The following CEP290 variants were observed in gnomAD, a reference collection of about 807,000 sequenced individuals.
CEP290 encodes the protein centrosomal protein of 290 kDa.
A neutral mutation model predicts 344.9 loss-of-function variants in CEP290; 317 were observed. The observed-to-expected ratio is 0.92, with a 90% CI of 0.84 to 1.01. The LOEUF (loss-of-function observed/expected upper bound fraction) is 1.01, where lower values mean the gene tolerates loss of function less well. Among genes scored for constraint, CEP290 ranks in the 50% least tolerant of loss-of-function variants. CEP290 has a pLI of 0.00. For synonymous variants in CEP290, 932 were observed against 895.8 expected (o/e 1.04, Z -0.72); for missense variants, 2,754 against 2,761.4 (o/e 1.00, Z 0.06).
rs749261915 is a variant in CEP290 at position 88,086,405 on chromosome 12, T to G, written c.4288A>C (p.Asn1430His). 5 of 1,589,388 alleles carry G rather than the reference T, an allele frequency of 3.1e-6. No homozygotes were observed. The South Asian group carries it at 5.7e-5, about 18-fold the overall frequency. ...IFDRQQNEILNAAQKFEEATG... is the reference protein window; with the variant it reads ...IFDRQQNEILHAAQKFEEATG... ...ATCATTCATACCTTTTGTGCCGCATTTAGTATTTCATTTTGCTGACGGTCA... is the reference window on the plus strand; with the variant it reads ...ATCATTCATACCTTTTGTGCCGCATGTAGTATTTCATTTTGCTGACGGTCA... Residue 1430 changes from asparagine to histidine, a missense_variant, in exon 33 of 54, where the codon AAT (asparagine) becomes CAT (histidine). Coordinates refer to ENST00000552810, the MANE Select transcript of CEP290 (RefSeq NM_025114.4).
chr12:88,118,007 C>A (rs1168631071), intron 17 of CEP290, among the ~76,000 whole-genome samples: 2 of 151,732 alleles, frequency 1.3e-5, no homozygotes, highest in African/African-American at 4.8e-5. Context: ...TGCACTCCAG[C>A]CTGGGCAATA....
At chr12:88,118,774 T>G in intron 15 of CEP290, 31 bp from the exon 16 acceptor site, 1 of 1,508,950 alleles carries the variant, frequency 6.6e-7, no homozygotes, top group South Asian at 1.2e-5. Flanking sequence ...ATTAAAAACT[T>G]AAAAACATTC....
chr12:88,071,935 A>G lies in CEP290; in HGVS notation c.5710-9T>C, dbSNP rs2035409144. 3 of 1,567,190 alleles carry G rather than the reference A, an allele frequency of 1.9e-6. No homozygotes were observed. In the East Asian group the frequency reaches 6.9e-5, roughly 36 times the overall value. ...AATTCTTCTTTAGCATTCTGTAACA[A>G]TAACGAAGGAGGTAGGAAAATTACC... On this transcript the variant is annotated splice_polypyrimidine_tract_variant and intron_variant, in intron 41 of 53. Coordinates refer to ENST00000552810, the MANE Select transcript of CEP290 (RefSeq NM_025114.4).
intron 28 of CEP290, among the ~76,000 whole-genome samples, 158 bp from the exon 29 acceptor site, chr12:88,092,990 A>C (rs1189732113): frequency 6.6e-6 from 1 of 152,150 alleles, no homozygotes; most frequent in Non-Finnish European, 1.5e-5. Context: ...GAGGGTAAAA[A>C]ATATGAAAGA....
At position 88,141,256 on chromosome 12, in the gene CEP290, G is replaced by A. The variant is rs2138305571; in HGVS notation, c.52C>T (p.Leu18=). 1 of 1,611,126 alleles carries A rather than the reference G, an allele frequency of 6.2e-7. No homozygotes were observed. ...TCTGCCAGTTCTTCTTGACGGGGCAGGTCATCTGGGTCAACTTTCATTATT... is the reference window on the plus strand; with the variant it reads ...TCTGCCAGTTCTTCTTGACGGGGCAAGTCATCTGGGTCAACTTTCATTATT... ...KEIMKVDPDD[L]PRQEELADNL... Residue 18 remains leucine, a synonymous_variant, in exon 2 of 54, where the codon CTG becomes TTG. Transcript: ENST00000552810.
chr12:88,126,212 C>T, intron 12 of CEP290, 104 bp downstream of exon 12: 9 of 900,218 alleles, frequency 1.0e-5, no homozygotes, highest in Non-Finnish European at 1.2e-5. Context: ...TTGGTAGTAC[C>T]AGCCGCTACA....
At position 88,087,937 on chromosome 12, in the gene CEP290, T is replaced by C. The variant is rs1470809740; in HGVS notation, c.4037A>G (p.Asn1346Ser). Residue 1346 changes from asparagine to serine, a missense_variant, in exon 32 of 54, where the codon AAC becomes AGC. Physicochemically the swap from Asn to Ser is conservative, Grantham distance 46. Transcript: ENST00000552810. ...AAGTTCTTCTATTTTCATATGCCAGTTGATTACCTAAGATTTACAATTTAT... is the reference window on the plus strand; with the variant it reads ...AAGTTCTTCTATTTTCATATGCCAGCTGATTACCTAAGATTTACAATTTAT... ...KDTKGAQKVI[N>S]WHMKIEELRL... is the part of the protein sequence containing the mutation. The C allele has an allele frequency of 2.6e-6, 3 of 1,161,566 alleles. No homozygotes were observed. The highest frequency in any genetic ancestry group is 1.6e-5 in the African/African-American group (1 of 62,634). The allele number at this position is 1,161,566 out of a possible 1,614,324, so 72.0% of individuals were successfully genotyped here.
At chr12:88,138,958 C>T (rs541693966) in intron 5 of CEP290, among the ~76,000 whole-genome samples, 187 bp downstream of exon 5, 1 of 151,994 alleles carries the variant, frequency 6.6e-6, no homozygotes, top group South Asian at 2.1e-4. Context: ...TTGTTCACAA[C>T]CATATGCTCA....
chr12:88,049,940 ATCACTAGCTAAT>A (rs2033329466), intron 53 of CEP290: 1 of 162,916 alleles, frequency 6.1e-6, no homozygotes, highest in Non-Finnish European at 1.3e-5. Flanking sequence ...ATAGCCAGTG[ATCACTAGCTAAT>A]TCTCATATCC....
Position 88,131,189 on chromosome 12 carries a change from A to T in CEP290, c.471T>A (p.Asn157Lys). 6.6e-7 allele frequency: 1 copy of T among 1,521,984 alleles called. No homozygotes were observed. The highest frequency in any genetic ancestry group is 1.3e-5 in the South Asian group (1 of 74,784). 94.3% of individuals were successfully genotyped at this position (1,521,984 alleles called of 1,614,324 possible). Residue 157 changes from asparagine to lysine, a missense_variant, in exon 7 of 54, where the codon AAT becomes AAA. Coordinates refer to ENST00000552810, the MANE Select transcript of CEP290 (RefSeq NM_025114.4). Reference sequence around the variant, plus strand: ...CCTCTCTTCTTAATTTGCTGTTTTCATTTTCTGCCTCCTCATTTCGAAGAG... The same window carrying T: ...CCTCTCTTCTTAATTTGCTGTTTTCTTTTTCTGCCTCCTCATTTCGAAGAG... The part of the protein sequence containing the change: ...QLALRNEEAE[N>K]ENSKLRRENK...
chr12:88,119,046 G>A (rs1001602300), intron 15 of CEP290, among the ~76,000 whole-genome samples: 1 of 152,070 alleles, frequency 6.6e-6, no homozygotes, highest in Admixed American at 6.5e-5. Flanking sequence ...GTCATCTTTA[G>A]GAACTTCCAG....
rs756323347 is a variant in CEP290 at position 88,077,716 on chromosome 12, CTTT to C, written c.5564_5566del (p.Lys1855del). 2 of 1,560,184 alleles carry C rather than the reference CTTT, an allele frequency of 1.3e-6. No homozygotes were observed. Among genetic ancestry groups the C allele is most frequent in the Admixed American group, 3.9e-5 (2 of 50,828 alleles). Reference sequence around the variant, plus strand: ...AATTACCTGTAATCCACTGGTTAGTCTTTTAATTTGCCTTTTCAGTTCATCATT... The same window carrying C: ...AATTACCTGTAATCCACTGGTTAGTCTAATTTGCCTTTTCAGTTCATCATT... On this transcript the variant is annotated inframe_deletion, in exon 40 of 54. Coordinates refer to ENST00000552810, the MANE Select transcript of CEP290 (RefSeq NM_025114.4).
rs913222601 is a variant in CEP290 at position 88,083,775 on chromosome 12, AAG to A, written c.4812+70_4812+71del. ...AAGGGTAACTTCCATTCCAAAAAAG[AAG>A]AGAGCTGAATTTTAATTTACATGGT... On this transcript the variant is annotated intron_variant, in intron 36 of 53. Coordinates refer to ENST00000552810, the MANE Select transcript of CEP290 (RefSeq NM_025114.4). 4 of 970,276 alleles carry A rather than the reference AAG, an allele frequency of 4.1e-6. No homozygotes were observed. The African/African-American group carries it at 5.0e-5, about 12-fold the overall frequency. 60.1% of individuals were successfully genotyped at this position (970,276 alleles called of 1,614,324 possible). A position where few individuals can be genotyped will look rare whatever the true frequency, so the allele number is the denominator to read the frequency against.
intron 6 of CEP290, among the ~76,000 whole-genome samples, chr12:88,132,321 TAA>T (rs2040122376): frequency 6.6e-6 from 1 of 152,140 alleles, no homozygotes; most frequent in African/African-American, 2.4e-5. Flanking sequence ...CAACGATATT[TAA>T]AAAGTCTATA....
chr12:88,117,551 G>A (rs2039129340), intron 17 of CEP290, among the ~76,000 whole-genome samples: 2 of 152,116 alleles, frequency 1.3e-5, no homozygotes, highest in South Asian at 4.2e-4. Context: ...GAACCACTCT[G>A]CTATTACTCA....
Position 88,140,948 on chromosome 12 carries a change from A to G in CEP290, c.180+8T>C, listed in dbSNP as rs750648438. ...CAAACCTATAGTTAAAACCTACTAC[A>G]TACAAACCTTCATTAGTGACTGAGT... On this transcript the variant is annotated splice_region_variant and intron_variant, in intron 3 of 53. Transcript: ENST00000552810. The G allele has an allele frequency of 5.1e-6, 8 of 1,572,162 alleles. No individual in the cohort carries two copies. The highest frequency in any genetic ancestry group is 3.4e-4 in the Middle Eastern group (2 of 5,864).
At chr12:88,084,404 T>C (rs983102768) in intron 35 of CEP290, among the ~76,000 whole-genome samples, 182 bp downstream of exon 35, 2 of 152,146 alleles carry the variant, frequency 1.3e-5, no homozygotes, top group Admixed American at 6.5e-5. Flanking sequence ...AATAGAAAGA[T>C]ACATGTACAC....
chr12:88,121,050 C>T lies in CEP290; in HGVS notation c.1306G>A (p.Glu436Lys), dbSNP rs551533386. ...TAELAEADAR[E>K]KDKELVEALK... ...GCCTCAACTAATTCTTTATCCTTTT[C>T]CCTAGCATCAGCCTCAGCCAGTTCA... The change falls in exon 14 of 54, where the codon GAA becomes AAA. Residue 436 changes from glutamate (E) to lysine (K), a missense_variant. Transcript: ENST00000552810. 6.2e-6 allele frequency: 10 copies of T among 1,613,532 alleles called. No homozygotes were observed. In the East Asian group the frequency reaches 2.2e-4, roughly 36 times the overall value.
intron 26 of CEP290, 24 bp downstream of exon 26, chr12:88,102,814 G>C (rs774439710): frequency 6.3e-7 from 1 of 1,578,242 alleles, no homozygotes; most frequent in Non-Finnish European, 8.6e-7. Flanking sequence ...AATTTCACAA[G>C]GTTCAAGAAT....
Sources: gnomAD v4.1 joint callset for allele counts (sites outside exome capture counted in the v4.1 genomes callset) on GRCh38, gnomAD v4.1.1 for gene constraint, MANE v1.5 for transcripts, NCBI Gene and HGNC (gene_info 2026-07-23, HGNC 2026-07-21) for gene names.